The following CRPPA variants were observed in gnomAD, a reference collection of about 807,000 sequenced individuals.
The protein encoded by CRPPA is CDP-L-ribitol pyrophosphorylase A.
Under a neutral mutation model 52.0 loss-of-function variants are expected in CRPPA, and 43 were observed. The ratio of observed to expected loss-of-function variants is 0.83; its 90% CI spans 0.65 to 1.07. The LOEUF (loss-of-function observed/expected upper bound fraction) is 1.07. Among genes scored for constraint, CRPPA ranks in the 50% least tolerant of loss-of-function variants. The probability of loss-of-function intolerance (pLI) is 0.00; values close to 1 mark genes in which losing one functional copy is unlikely to be tolerated. For missense variants in CRPPA, 629 were observed against 551.7 expected, an observed-to-expected ratio of 1.14 and a Z score of -1.40; for synonymous variants, 250 against 203.5, an observed-to-expected ratio of 1.23 and a Z score of -1.94.
intron 3 of CRPPA, among the ~76,000 whole-genome samples, chr7:16,331,059 G>C (rs1785539450): frequency 6.6e-6 from 1 of 152,160 alleles, no homozygotes; most frequent in Admixed American, 6.5e-5. Flanking sequence ...GAGTGCAGGG[G>C]CGCCATCTCG....
chr7:16,291,084 A>G (rs942281108), intron 5 of CRPPA, among the ~76,000 whole-genome samples: 2 of 151,962 alleles, frequency 1.3e-5, no homozygotes, highest in African/African-American at 2.4e-5. Flanking sequence ...TGAGTTATCA[A>G]CTCACCCCAG....
At chr7:16,413,712 C>T (rs569470786) in intron 1 of CRPPA, among the ~76,000 whole-genome samples, 42 of 152,196 alleles carry the variant, frequency 2.8e-4, no homozygotes, top group African/African-American at 7.2e-4. Flanking sequence ...GAAAACAAAT[C>T]GAATAAATGG....
At chr7:16,336,322 A>G (rs1341616557) in intron 3 of CRPPA, among the ~76,000 whole-genome samples, 1 of 152,146 alleles carries the variant, frequency 6.6e-6, no homozygotes. Flanking sequence ...AGAGATACAA[A>G]TTATTCTTAA....
intron 3 of CRPPA, among the ~76,000 whole-genome samples, chr7:16,344,321 T>C (rs1206520598): frequency 2.0e-5 from 3 of 148,084 alleles, no homozygotes; most frequent in Admixed American, 7.0e-5. Flanking sequence ...ATCCCAGGGC[T>C]TGGGGAGGCC....
intron 2 of CRPPA, among the ~76,000 whole-genome samples, chr7:16,386,330 A>G (rs1283809330): frequency 6.6e-6 from 1 of 152,024 alleles, no homozygotes; most frequent in Non-Finnish European, 1.5e-5. Flanking sequence ...TCTTCTGCTC[A>G]TGGAGCCTGG....
At chr7:16,397,178 C>A (rs538171028) in intron 2 of CRPPA, among the ~76,000 whole-genome samples, 40 of 152,376 alleles carry the variant, frequency 2.6e-4, no homozygotes, top group African/African-American at 9.6e-4. Context: ...TGACACGACA[C>A]ATTATCAAAA....
chr7:16,094,663 G>C (rs1781901191), intron 9 of CRPPA, among the ~76,000 whole-genome samples: 1 of 151,910 alleles, frequency 6.6e-6, no homozygotes, highest in South Asian at 2.1e-4. Context: ...ATTAAACTCA[G>C]GTAAGCAGGG....
intron 6 of CRPPA, among the ~76,000 whole-genome samples, chr7:16,266,538 G>A (rs1783958999): frequency 6.6e-6 from 1 of 150,964 alleles, no homozygotes; most frequent in East Asian, 1.9e-4. Context: ...GAGTGCAGTC[G>A]TATCATCTTG....
intron 9 of CRPPA, among the ~76,000 whole-genome samples, chr7:16,154,054 G>A (rs561767789): frequency 1.1e-3 from 167 of 149,658 alleles, no homozygotes; most frequent in African/African-American, 3.9e-3. Context: ...AGGTCATCTC[G>A]TATGGTCAAG....
chr7:16,286,450 G>T (rs929696298), intron 5 of CRPPA, among the ~76,000 whole-genome samples: 3 of 151,822 alleles, frequency 2.0e-5, no homozygotes, highest in Admixed American at 6.6e-5. Context: ...ACTTACACGG[G>T]CAAATGTCTA....
chr7:16,235,199 G>T (rs1227877340), intron 8 of CRPPA, among the ~76,000 whole-genome samples: 1 of 152,074 alleles, frequency 6.6e-6, no homozygotes, highest in African/African-American at 2.4e-5. Flanking sequence ...AAGTTGAGAT[G>T]AATAGTTCAG....
At chr7:16,164,777 T>C (rs528892922) in intron 9 of CRPPA, among the ~76,000 whole-genome samples, 1 of 152,228 alleles carries the variant, frequency 6.6e-6, no homozygotes, top group Admixed American at 6.5e-5. Context: ...TCTGCAGGTC[T>C]GCTGGAGCTT....
chr7:16,219,033 T>C (rs902689382), intron 8 of CRPPA, among the ~76,000 whole-genome samples: 1 of 152,182 alleles, frequency 6.6e-6, no homozygotes, highest in Non-Finnish European at 1.5e-5. Context: ...ATTTACCACA[T>C]ACTTGGAAGT....
At chr7:16,386,600 A>T (rs1441942244) in intron 2 of CRPPA, among the ~76,000 whole-genome samples, 1 of 152,332 alleles carries the variant, frequency 6.6e-6, no homozygotes, top group South Asian at 2.1e-4. Flanking sequence ...TGAAAACAGC[A>T]AAAAGGAGGT....
intron 5 of CRPPA, among the ~76,000 whole-genome samples, chr7:16,292,465 T>C (rs768954024): frequency 9.9e-5 from 15 of 151,952 alleles, no homozygotes; most frequent in Admixed American, 2.6e-4. Flanking sequence ...GAGTTGATGG[T>C]AGCACAGAGG....
intron 9 of CRPPA, among the ~76,000 whole-genome samples, chr7:16,148,447 C>T (rs79075033): frequency 0.021 from 3,255 of 152,134 alleles, 119 homozygotes; most frequent in African/African-American, 0.074. Flanking sequence ...GGAATACTAT[C>T]CAGCCTTTAA....
At chr7:16,370,521 C>T (rs1786721209) in intron 3 of CRPPA, among the ~76,000 whole-genome samples, 1 of 152,138 alleles carries the variant, frequency 6.6e-6, no homozygotes, top group African/African-American at 2.4e-5. Flanking sequence ...AGAGCAATAT[C>T]ACTGCAGTCT....
chr7:16,175,535 G>A (rs1038270834), intron 9 of CRPPA, among the ~76,000 whole-genome samples: 12 of 152,136 alleles, frequency 7.9e-5, no homozygotes, highest in South Asian at 4.1e-4. Flanking sequence ...ATCTTGTGTC[G>A]CTGTGACTAT....
In CRPPA at chr7:16,387,406, CA is replaced by C. The variant is rs1366126043; in HGVS notation, c.535-11166del. Among the ~76,000 whole-genome samples, 4 of 151,326 alleles carry C rather than the reference CA, an allele frequency of 2.6e-5. No homozygotes were observed. In the East Asian group the frequency reaches 5.8e-4, roughly 22 times the overall value. ...TAGAGCAACCACTAGCAATGAAACT[CA>C]AAAAATTAGAAAATATAAAGGAAAT... On this transcript the variant is annotated intron_variant, in intron 2 of 9. Transcript: ENST00000407010.
Sources: gnomAD v4.1 joint callset for allele counts (sites outside exome capture counted in the v4.1 genomes callset) on GRCh38, gnomAD v4.1.1 for gene constraint, MANE v1.5 for transcripts, NCBI Gene and HGNC (gene_info 2026-07-23, HGNC 2026-07-21) for gene names.